The following LYZ variants were observed in gnomAD, a reference collection of about 807,000 sequenced individuals.
LYZ encodes lysozyme, also known as lysozyme C.
LYZ carries 18 observed loss-of-function variants against 15.8 expected under a neutral mutation model. That is an observed-to-expected ratio of 1.14 (90% CI 0.79 to 1.69). LYZ has a LOEUF of 1.69. Ranked by LOEUF, LYZ falls within the 40% of genes most tolerant of loss-of-function variation. The pLI is 0.00. For synonymous variants in LYZ, 60 were observed against 61.7 expected, an observed-to-expected ratio of 0.97 and a Z score of 0.13; for missense variants, 139 against 182.8, an observed-to-expected ratio of 0.76 and a Z score of 1.38.
At chr12:69,352,390 G>A (rs753216038) in intron 3 of LYZ, 92 bp downstream of exon 3, 126 of 975,218 alleles carry the variant, frequency 1.3e-4, no homozygotes, top group Non-Finnish European at 2.0e-4. Context: ...GTATGCTAAT[G>A]ACACCTCAAA....
intron 2 of LYZ, among the ~76,000 whole-genome samples, chr12:69,351,595 G>A (rs1167372576): frequency 6.6e-6 from 1 of 151,894 alleles, no homozygotes; most frequent in East Asian, 1.9e-4. Flanking sequence ...GTGTGCTTTT[G>A]CAAAAATTAA....
intron 3 of LYZ, 147 bp from the exon 4 acceptor site, chr12:69,353,006 C>A: frequency 1.4e-6 from 1 of 698,500 alleles, no homozygotes; most frequent in Non-Finnish European, 2.6e-6. Flanking sequence ...GTATACATAT[C>A]TTCATTTAAT....
Position 69,353,494 on chromosome 12 carries a change from G to GTTATTT in LYZ, c.*277_*278insATTTTT. The GTTATTT allele has an allele frequency of 4.7e-6, 1 of 211,310 alleles. No individual in the cohort carries two copies. The allele number at this position is 211,310 out of a possible 1,614,324, so 13.1% of individuals were successfully genotyped here. A position where few individuals can be genotyped will look rare whatever the true frequency, so the allele number is the denominator to read the frequency against. On this transcript the variant is annotated 3_prime_UTR_variant, in exon 4 of 4. Transcript: ENST00000261267. The stretch of plus-strand genomic sequence containing the variant: ...ATCAAATACATCTCCAGTACATTCC[G>GTTATTT]TTCTTTTTTTTTTTGAGACAGTCTC...
At position 69,353,188 on chromosome 12, in the gene LYZ, T is replaced by C. The variant is rs1874880823; in HGVS notation, c.416T>C (p.Val139Ala). The C allele has an allele frequency of 6.2e-7, 1 of 1,614,140 alleles. No individual in the cohort carries two copies. Among genetic ancestry groups the C allele is most frequent in the South Asian group, 1.1e-5 (1 of 91,080 alleles). ...AGAAATCGTTGTCAAAACAGAGATG[T>C]CCGTCAGTATGTTCAAGGTTGTGGA... ...AWRNRCQNRD[V>A]RQYVQGCGV is the part of the protein sequence containing the mutation. The change falls in exon 4 of 4, where the codon GTC becomes GCC. Residue 139 changes from valine to alanine, a missense_variant. Coordinates refer to ENST00000261267, the MANE Select transcript of LYZ (RefSeq NM_000239.3).
chr12:69,349,349 C>G (rs532359992), intron 1 of LYZ, among the ~76,000 whole-genome samples: 2 of 152,176 alleles, frequency 1.3e-5, no homozygotes, highest in South Asian at 4.1e-4. Context: ...ATATTGAATT[C>G]CCTACACAAG....
At chr12:69,350,307 A>T (rs1405886130) in intron 2 of LYZ, 35 bp downstream of exon 2, 1 of 1,610,784 alleles carries the variant, frequency 6.2e-7, no homozygotes, top group Non-Finnish European at 8.5e-7. Context: ...ATCTGGTTAT[A>T]CTTACAAGAA....
Position 69,353,497 on chromosome 12 carries a change from C to CTT in LYZ, c.*288_*289dup, listed in dbSNP as rs71094709. The CTT allele has an allele frequency of 7.6e-5, 23 of 304,554 alleles. No individual in the cohort carries two copies. The highest frequency in any genetic ancestry group is 1.7e-4 in the East Asian group (2 of 11,546). 18.9% of individuals were successfully genotyped at this position (304,554 alleles called of 1,614,324 possible). On this transcript the variant is annotated 3_prime_UTR_variant, in exon 4 of 4. Transcript: ENST00000261267. ...AAATACATCTCCAGTACATTCCGTT[C>CTT]TTTTTTTTTTTGAGACAGTCTCGCT...
intron 2 of LYZ, among the ~76,000 whole-genome samples, chr12:69,351,810 G>A (rs1279417618): frequency 6.6e-6 from 1 of 152,010 alleles, no homozygotes; most frequent in Non-Finnish European, 1.5e-5. Flanking sequence ...TGTTACTATT[G>A]AGCACTTAGG....
rs71094709 is a variant in LYZ, at chr12:69,353,497, C to CTTT, written c.*287_*289dup. On this transcript the variant is annotated 3_prime_UTR_variant, in exon 4 of 4. Coordinates refer to ENST00000261267, the MANE Select transcript of LYZ (RefSeq NM_000239.3). ...AAATACATCTCCAGTACATTCCGTT[C>CTTT]TTTTTTTTTTTGAGACAGTCTCGCT... The CTTT allele has an allele frequency of 3.9e-5, 12 of 304,666 alleles. No homozygotes were observed. Among genetic ancestry groups the CTTT allele is most frequent in the South Asian group, 1.7e-4 (6 of 34,564 alleles). 18.9% of individuals were successfully genotyped at this position (304,666 alleles called of 1,614,324 possible).
intron 2 of LYZ, 147 bp from the exon 3 acceptor site, chr12:69,352,073 G>A (rs1445975643): frequency 5.0e-6 from 3 of 598,154 alleles, no homozygotes; most frequent in Non-Finnish European, 8.9e-6. Context: ...AATGAAGAGA[G>A]TTTTCCCCAA....
At chr12:69,353,101 A>T in intron 3 of LYZ, 52 bp from the exon 4 acceptor site, 1 of 1,255,912 alleles carries the variant, frequency 8.0e-7, no homozygotes, top group Non-Finnish European at 1.2e-6. Flanking sequence ...TATGTATATT[A>T]CAATGAAGAT....
chr12:69,348,725 A>G (rs1012943005), intron 1 of LYZ, among the ~76,000 whole-genome samples, 181 bp downstream of exon 1: 2 of 152,242 alleles, frequency 1.3e-5, no homozygotes, highest in Non-Finnish European at 2.9e-5. Flanking sequence ...CGATAAAGGA[A>G]TACGGGCATG....
intron 1 of LYZ, among the ~76,000 whole-genome samples, 154 bp from the exon 2 acceptor site, chr12:69,349,953 TA>T (rs1771806064): frequency 6.6e-6 from 1 of 152,242 alleles, no homozygotes; most frequent in African/African-American, 2.4e-5. Context: ...ACAAGTCCCT[TA>T]TCTTAACACT....
chr12:69,352,891 T>C (rs12812860), intron 3 of LYZ, among the ~76,000 whole-genome samples: 63,256 of 152,054 alleles, frequency 0.42, 15,380 homozygotes, highest in East Asian at 0.72. Flanking sequence ...AAAAAATAAA[T>C]GTGGAATTCA....
intron 2 of LYZ, chr12:69,350,565 G>A (rs1432128092): frequency 5.8e-6 from 2 of 342,990 alleles, no homozygotes; most frequent in Non-Finnish European, 1.1e-5. Flanking sequence ...CTTACTTTGG[G>A]GAGGTTTTGG....
chr12:69,348,457 C>T lies in LYZ; in HGVS notation c.49C>T (p.Gln17Ter), dbSNP rs373366975. 5 of 1,614,130 alleles carry T rather than the reference C, an allele frequency of 3.1e-6. No homozygotes were observed. In the African/African-American group the frequency reaches 4.0e-5, roughly 13 times the overall value. ...GCTTGTCCTCCTTTCTGTTACGGTCCAGGGCAAGGTCTTTGAAAGGTGTGA... is the reference window on the plus strand; with the variant it reads ...GCTTGTCCTCCTTTCTGTTACGGTCTAGGGCAAGGTCTTTGAAAGGTGTGA... Reference protein sequence around the residue: ...LGLVLLSVTVQGKVFERCELA... With the variant: ...LGLVLLSVTV Residue 17 changes from glutamine (Q) to a stop codon, truncating the protein, a stop_gained, in exon 1 of 4, where the codon CAG becomes TAG. Transcript: ENST00000261267. LOFTEE classifies it high-confidence loss of function.
chr12:69,348,545 G>A lies in LYZ; in HGVS notation c.136+1G>A, dbSNP rs1874775436. 3 of 1,614,066 alleles carry A rather than the reference G, an allele frequency of 1.9e-6. No homozygotes were observed. The highest frequency in any genetic ancestry group is 2.5e-6 in the Non-Finnish European group (3 of 1,180,032). On this transcript the variant is annotated splice_donor_variant, in intron 1 of 3. Coordinates refer to ENST00000261267, the MANE Select transcript of LYZ (RefSeq NM_000239.3). LOFTEE classifies it high-confidence loss of function. ...TACAGGGGAATCAGCCTAGCAAACT[G>A]TAAGTCTACTCTCCATAATTCCAGA...
chr12:69,351,944 G>GT (rs927144010), intron 2 of LYZ, among the ~76,000 whole-genome samples: 5 of 151,952 alleles, frequency 3.3e-5, no homozygotes, highest in Admixed American at 1.3e-4. Flanking sequence ...ATCACTAGGT[G>GT]TTTTTTTACA....
intron 1 of LYZ, among the ~76,000 whole-genome samples, chr12:69,349,740 A>G (rs1293928235): frequency 2.6e-5 from 4 of 152,214 alleles, no homozygotes; most frequent in Non-Finnish European, 5.9e-5. Context: ...GCATTTTTCC[A>G]TCAGCCTATG....
Sources: allele counts gnomAD v4.1 joint callset (sites outside exome capture counted in the v4.1 genomes callset), GRCh38; gene constraint gnomAD v4.1.1; transcripts MANE v1.5; gene names NCBI Gene and HGNC (gene_info 2026-07-23, HGNC 2026-07-21).